The following WWC1 variants were observed in gnomAD, a reference collection of about 807,000 sequenced individuals.
The protein encoded by WWC1 is protein KIBRA.
Under a neutral mutation model 138.4 loss-of-function variants are expected in WWC1, and 55 were observed. The observed-to-expected ratio is 0.40, with a 90% CI of 0.32 to 0.50. The LOEUF (loss-of-function observed/expected upper bound fraction) is 0.50, where lower values mean the gene tolerates loss of function less well. WWC1 is among the 20% of genes least tolerant of loss of function. The pLI is 0.72. For missense variants in WWC1, 1,226 were observed against 1,420.4 expected (o/e 0.86, Z 2.20); for synonymous variants, 524 against 564.9 (o/e 0.93, Z 1.03).
At chr5:168,447,932 A>G (rs1733895040) in intron 17 of WWC1, among the ~76,000 whole-genome samples, 1 of 152,088 alleles carries the variant, frequency 6.6e-6, no homozygotes, top group Non-Finnish European at 1.5e-5. Flanking sequence ...TCACACAGGC[A>G]AAGGTCTGAT....
chr5:168,356,684 G>T (rs1243270925), intron 1 of WWC1, among the ~76,000 whole-genome samples: 1 of 152,248 alleles, frequency 6.6e-6, no homozygotes, highest in African/African-American at 2.4e-5. Context: ...ATGCCAGAGA[G>T]AGCTGGCTTC....
At chr5:168,380,007 T>G (rs771423446) in intron 2 of WWC1, among the ~76,000 whole-genome samples, 8 of 152,244 alleles carry the variant, frequency 5.3e-5, no homozygotes, top group Non-Finnish European at 1.2e-4. Context: ...TTAATAAATT[T>G]GGTTTCATCA....
rs559846196 is a variant in WWC1, at chr5:168,390,164, T to G, written c.433+4750T>G. Among the ~76,000 whole-genome samples the G allele has an allele frequency of 2.6e-5, 4 of 152,190 alleles. No individual in the cohort carries two copies. In the East Asian group the frequency reaches 7.7e-4, roughly 29 times the overall value. ...CAGTTTTCTTCATCTATAAAATCAA[T>G]CTAATCATAGTATCATCTTCATGGG... is the stretch of plus-strand genomic sequence containing the variant. On this transcript the variant is annotated intron_variant, in intron 3 of 22. Coordinates refer to ENST00000265293, the MANE Select transcript of WWC1 (RefSeq NM_015238.3).
chr5:168,451,663 C>T (rs183693916), intron 17 of WWC1, among the ~76,000 whole-genome samples: 1 of 152,102 alleles, frequency 6.6e-6, no homozygotes, highest in Admixed American at 6.5e-5. Context: ...TATGATCACA[C>T]CATGGCACTC....
At chr5:168,428,192 T>C (rs7735281) in intron 12 of WWC1, 51 bp downstream of exon 12, 178,740 of 1,559,116 alleles carry the variant, frequency 0.11, 11,041 homozygotes, top group East Asian at 0.19. Context: ...CCATGAACTC[T>C]GAATATCCAG....
chr5:168,312,815 CTTTTTTTTTTTTTT>C (rs763253959), intron 1 of WWC1, among the ~76,000 whole-genome samples: 6 of 123,770 alleles, frequency 4.8e-5, no homozygotes, highest in African/African-American at 1.8e-4. Context: ...ATCCTAAGTA[CTTTTTTTTTTTTTT>C]TTTTTTTTTA....
Position 168,385,234 on chromosome 5 carries a change from C to T in WWC1, c.253C>T (p.Arg85Ter), listed in dbSNP as rs1193196849. 2.5e-6 allele frequency: 4 copies of T among 1,614,122 alleles called. No homozygotes were observed. The highest frequency in any genetic ancestry group is 2.2e-5 in the East Asian group (1 of 44,886). The change falls in exon 3 of 23, where the codon CGA becomes TGA. Residue 85 changes from arginine to a stop codon, truncating the protein, a stop_gained. Coordinates refer to ENST00000265293, the MANE Select transcript of WWC1 (RefSeq NM_015238.3). LOFTEE classifies it high-confidence loss of function. ...NTKTTQIEDP[R>*]VQWRREQEHM... is the part of the protein sequence containing the mutation. ...AGAAACCACTCAGATTGAGGATCCT[C>T]GAGTACAATGGCGGCGGGAGCAGGA...
intron 1 of WWC1, among the ~76,000 whole-genome samples, chr5:168,324,627 C>G (rs1256124185): frequency 3.3e-5 from 5 of 150,904 alleles, no homozygotes; most frequent in African/African-American, 1.2e-4. Context: ...AAAAGCAGAA[C>G]AGAAAACAAG....
At chr5:168,419,915 G>A (rs78667576) in intron 9 of WWC1, among the ~76,000 whole-genome samples, 2,670 of 152,306 alleles carry the variant, frequency 0.018, 43 homozygotes, top group East Asian at 0.032. Context: ...TGTCTCCAGG[G>A]AGATAGTTTA....
chr5:168,400,476 G>T (rs1779227083), intron 5 of WWC1, among the ~76,000 whole-genome samples: 1 of 152,168 alleles, frequency 6.6e-6, no homozygotes, highest in Non-Finnish European at 1.5e-5. Flanking sequence ...TGTTGTGATT[G>T]TGACGATATT....
At chr5:168,449,153 A>AT (rs36015708) in intron 17 of WWC1, among the ~76,000 whole-genome samples, 49,902 of 151,764 alleles carry the variant, frequency 0.33, 9,759 homozygotes, top group Middle Eastern at 0.49. Flanking sequence ...ATATTACCAG[A>AT]TTTTTTTCCG....
chr5:168,422,247 C>G lies in WWC1; in HGVS notation c.1274+150C>G, dbSNP rs143720656. On this transcript the variant is annotated intron_variant, in intron 10 of 22. Coordinates refer to ENST00000265293, the MANE Select transcript of WWC1 (RefSeq NM_015238.3). ...ATAGCAAATGGATTGTCAGCAGACT[C>G]GGGCGTGGCCTGGTGTAGCTAGGAA... 4.0e-6 allele frequency: 3 copies of G among 745,042 alleles called. No individual in the cohort carries two copies. In the African/African-American group the frequency reaches 5.3e-5, roughly 13 times the overall value. The allele number at this position is 745,042 out of a possible 1,614,324, so 46.2% of individuals were successfully genotyped here.
chr5:168,415,493 C>T (rs1780537092), intron 9 of WWC1: 2 of 152,216 alleles, frequency 1.3e-5, no homozygotes, highest in African/African-American at 2.4e-5. Context: ...TCCTCACCCA[C>T]ATTGCACCGA....
At chr5:168,441,968 G>A (rs1465770919) in intron 16 of WWC1, 134 bp downstream of exon 16, 1 of 1,316,012 alleles carries the variant, frequency 7.6e-7, no homozygotes, top group Non-Finnish European at 1.0e-6. Context: ...AGGAGAAGAA[G>A]ACAGGGAAGG....
At chr5:168,323,367 G>A (rs1322856864) in intron 1 of WWC1, among the ~76,000 whole-genome samples, 2 of 152,130 alleles carry the variant, frequency 1.3e-5, no homozygotes, top group South Asian at 2.1e-4. Flanking sequence ...GCAACATGGT[G>A]AGACCTCATC....
chr5:168,340,017 T>TCTTTCTTTC (rs201670031), intron 1 of WWC1, among the ~76,000 whole-genome samples: 3 of 141,220 alleles, frequency 2.1e-5, no homozygotes, highest in South Asian at 2.2e-4. Context: ...TTCTTTCTTT[T>TCTTTCTTTC]CTTTCTTTCC....
At chr5:168,412,769 A>G (rs1228689234) in intron 8 of WWC1, among the ~76,000 whole-genome samples, 1 of 152,210 alleles carries the variant, frequency 6.6e-6, no homozygotes, top group Admixed American at 6.5e-5. Context: ...TAGTATAACA[A>G]CTATTTACAT....
chr5:168,381,521 G>T (rs1045530603), intron 2 of WWC1, among the ~76,000 whole-genome samples: 1 of 152,186 alleles, frequency 6.6e-6, no homozygotes, highest in South Asian at 2.1e-4. Flanking sequence ...TATTTGGGGA[G>T]CTTTGTAAAT....
At chr5:168,440,002 A>C (rs1754607573) in intron 15 of WWC1, among the ~76,000 whole-genome samples, 1 of 152,136 alleles carries the variant, frequency 6.6e-6, no homozygotes, top group Non-Finnish European at 1.5e-5. Flanking sequence ...GTTCCTTGGG[A>C]GAGTGCTGGC....
Sources: gnomAD v4.1 joint callset for allele counts (sites outside exome capture counted in the v4.1 genomes callset) on GRCh38, gnomAD v4.1.1 for gene constraint, MANE v1.5 for transcripts, NCBI Gene and HGNC (gene_info 2026-07-23, HGNC 2026-07-21) for gene names.